SNIP1: variants seen among roughly 807,000 people sequenced by gnomAD.
The protein encoded by SNIP1 is smad nuclear-interacting protein 1.
A neutral mutation model predicts 37.4 loss-of-function variants in SNIP1; 23 were observed. That is an observed-to-expected ratio of 0.61 (90% CI 0.44 to 0.87). The LOEUF is 0.87. Among genes scored for constraint, SNIP1 ranks in the 40% least tolerant of loss-of-function variants. SNIP1 has a pLI of 0.00. For missense variants in SNIP1, 459 were observed against 540.4 expected, an observed-to-expected ratio of 0.85 and a Z score of 1.49; for synonymous variants, 174 against 200.0, an observed-to-expected ratio of 0.87 and a Z score of 1.10.
At chr1:37,545,243 C>T in intron 2 of SNIP1, 1 of 655,514 alleles carries the variant, frequency 1.5e-6, no homozygotes, top group Non-Finnish European at 2.9e-6. Context: ...CCGAATCTGG[C>T]TTGGCAGAAT....
Position 37,537,787 on chromosome 1 carries a change from G to T in SNIP1, c.1152C>A (p.Asp384Glu). 1 of 1,614,048 alleles carries T rather than the reference G, an allele frequency of 6.2e-7. No homozygotes were observed. Among genetic ancestry groups the T allele is most frequent in the Non-Finnish European group, 8.5e-7 (1 of 1,179,978 alleles). The change falls in exon 4 of 4, where the codon GAC (aspartate) becomes GAA (glutamate). Residue 384 changes from aspartate (D) to glutamate (E), a missense_variant. Physicochemically the swap from Asp to Glu is conservative, Grantham distance 45. Transcript: ENST00000296215. ...SDTSEIDRKDDEDEEEEEEVS... is the reference protein window; with the variant it reads ...SDTSEIDRKDEEDEEEEEEVS... ...CTTCTTCCTCCTCCTCCTCATCCTCGTCATCTTTCCTGTCTATTTCAGAAG... is the reference window on the plus strand; with the variant it reads ...CTTCTTCCTCCTCCTCCTCATCCTCTTCATCTTTCCTGTCTATTTCAGAAG...
intron 2 of SNIP1, chr1:37,545,402 A>G (rs1422528339): frequency 2.2e-6 from 1 of 446,886 alleles, no homozygotes; most frequent in East Asian, 5.6e-5. Flanking sequence ...AAGTTGTACC[A>G]AAACATCCAC....
chr1:37,540,886 C>T lies in SNIP1; in HGVS notation c.328-131G>A. On this transcript the variant is annotated intron_variant, in intron 2 of 3. Transcript: ENST00000296215. This position sits in a 1 kb window ranked among gnomAD's most constrained non-coding sequence, Gnocchi z 5.6. ...GACTTTGGCATTTAGAACAACATTT[C>T]CCACAGAAATAAGATTATGTCTGGT... The T allele has an allele frequency of 2.5e-6, 2 of 805,248 alleles. No homozygotes were observed. Among genetic ancestry groups the T allele is most frequent in the Non-Finnish European group, 3.9e-6 (2 of 519,376 alleles). 49.9% of individuals were successfully genotyped at this position (805,248 alleles called of 1,614,324 possible).
At chr1:37,544,572 T>G (rs1643209020) in intron 2 of SNIP1, among the ~76,000 whole-genome samples, 1 of 152,200 alleles carries the variant, frequency 6.6e-6, no homozygotes, top group South Asian at 2.1e-4. Flanking sequence ...GAGACGTTCT[T>G]TGCGGAAAGT....
At position 37,540,605 on chromosome 1, in the gene SNIP1, C is replaced by T. The variant is rs1643162212; in HGVS notation, c.478G>A (p.Gly160Arg). The change falls in exon 3 of 4, where the codon GGG (glycine) becomes AGG (arginine). Residue 160 changes from glycine (G) to arginine (R), a missense_variant. Transcript: ENST00000296215. The surrounding 1 kb of genome is among the most constrained non-coding windows in gnomAD (Gnocchi z 5.6). Reference sequence around the variant, plus strand: ...TCTCGATCCCGTCCCTGACCCTGCCCACTCCCAGGCCTCTCGTTAGACGTT... The same window carrying T: ...TCTCGATCCCGTCCCTGACCCTGCCTACTCCCAGGCCTCTCGTTAGACGTT... ...RRTSNERPGSGQGQGRDRDTQ... is the reference protein window; with the variant it reads ...RRTSNERPGSRQGQGRDRDTQ... 1 of 1,614,124 alleles carries T rather than the reference C, an allele frequency of 6.2e-7. No homozygotes were observed. The highest frequency in any genetic ancestry group is 8.5e-7 in the Non-Finnish European group (1 of 1,180,024).
intron 2 of SNIP1, among the ~76,000 whole-genome samples, chr1:37,548,229 T>C (rs566488955): frequency 3.6e-3 from 545 of 151,868 alleles, no homozygotes; most frequent in Non-Finnish European, 6.3e-3. Flanking sequence ...TATCCTTCTG[T>C]ATACTTTAAA....
chr1:37,549,457 T>C (rs867777608), intron 2 of SNIP1, among the ~76,000 whole-genome samples: 35 of 152,092 alleles, frequency 2.3e-4, no homozygotes, highest in African/African-American at 8.2e-4. Flanking sequence ...CAGGCTGGAG[T>C]GCAGTGGTAT....
intron 2 of SNIP1, among the ~76,000 whole-genome samples, chr1:37,544,005 G>C (rs1046347212): frequency 6.6e-6 from 1 of 151,950 alleles, no homozygotes; most frequent in African/African-American, 2.4e-5. Flanking sequence ...AATTAGCCAG[G>C]TGTGGTAGCG....
rs200160575 is a variant in SNIP1 at position 37,554,056 on chromosome 1, G to T, written c.174C>A (p.Ser58Arg). 1.0e-3 allele frequency: 1,672 copies of T among 1,592,658 alleles called. 2 individuals are homozygous for T. Among genetic ancestry groups the T allele is most frequent in the Non-Finnish European group, 1.3e-3 (1,548 of 1,170,800 alleles). The change falls in exon 1 of 4, where the codon AGC becomes AGA. Residue 58 changes from serine (S) to arginine (R), a missense_variant. By Grantham distance (110) the Ser-to-Arg change is moderately radical. Coordinates refer to ENST00000296215, the MANE Select transcript of SNIP1 (RefSeq NM_024700.4). ...HSGGSPSPPTSEPARSGHRGN... is the reference protein window; with the variant it reads ...HSGGSPSPPTREPARSGHRGN... ...CGCGGTGGCCCGAGCGGGCCGGCTCGCTGGTCGGCGGAGACGGGCTACCAC... is the reference window on the plus strand; with the variant it reads ...CGCGGTGGCCCGAGCGGGCCGGCTCTCTGGTCGGCGGAGACGGGCTACCAC...
At chr1:37,553,403 C>T (rs913170422) in intron 1 of SNIP1, among the ~76,000 whole-genome samples, 2 of 152,138 alleles carry the variant, frequency 1.3e-5, no homozygotes, top group Non-Finnish European at 2.9e-5. Context: ...CTAACTGAAA[C>T]TATTTTGTTT....
At chr1:37,538,508 C>CAAAA (rs35905865) in intron 3 of SNIP1, among the ~76,000 whole-genome samples, 5 of 57,912 alleles carry the variant, frequency 8.6e-5, no homozygotes, top group Non-Finnish European at 1.3e-4. Flanking sequence ...GACTCTGTCT[C>CAAAA]AAAAAAAAAA....
In SNIP1 at chr1:37,540,766, A is replaced by G; in HGVS notation, c.328-11T>C. On this transcript the variant is annotated splice_polypyrimidine_tract_variant and intron_variant, in intron 2 of 3. Transcript: ENST00000296215. This position sits in a 1 kb window ranked among gnomAD's most constrained non-coding sequence, Gnocchi z 5.6. ...ATGATCCTCACGCTCCTAAAATTCA[A>G]ACAGATTCTGTAATTTAAACGCAGT... 9 of 1,570,576 alleles carry G rather than the reference A, an allele frequency of 5.7e-6. No homozygotes were observed. Among genetic ancestry groups the G allele is most frequent in the Non-Finnish European group, 7.8e-6 (9 of 1,157,236 alleles).
Position 37,540,919 on chromosome 1 carries a change from T to C in SNIP1, c.328-164A>G. Reference sequence around the variant, plus strand: ...AATAAGATTATGTCTGGTGGTTATGTTCCCTCGCAAGGCCACAAAGATGAT... The same window carrying C: ...AATAAGATTATGTCTGGTGGTTATGCTCCCTCGCAAGGCCACAAAGATGAT... On this transcript the variant is annotated intron_variant, in intron 2 of 3. Transcript: ENST00000296215. The surrounding 1 kb of genome is among the most constrained non-coding windows in gnomAD (Gnocchi z 5.6). 1 of 642,752 alleles carries C rather than the reference T, an allele frequency of 1.6e-6. No homozygotes were observed. The highest frequency in any genetic ancestry group is 2.6e-6 in the Non-Finnish European group (1 of 385,934). The allele number at this position is 642,752 out of a possible 1,614,324, so 39.8% of individuals were successfully genotyped here.
Position 37,536,827 on chromosome 1 carries a change from G to C in SNIP1, c.*921C>G, listed in dbSNP as rs146537656. 1.3e-5 allele frequency: 2 copies of C among 152,202 alleles called. No individual in the cohort carries two copies. Among genetic ancestry groups the C allele is most frequent in the Admixed American group, 6.6e-5 (1 of 15,266 alleles). 9.4% of individuals were successfully genotyped at this position (152,202 alleles called of 1,614,324 possible). A position where few individuals can be genotyped will look rare whatever the true frequency, so the allele number is the denominator to read the frequency against. On this transcript the variant is annotated 3_prime_UTR_variant, in exon 4 of 4. Coordinates refer to ENST00000296215, the MANE Select transcript of SNIP1 (RefSeq NM_024700.4). Reference sequence around the variant, plus strand: ...TCAACAACTTTTTAAAGGATGAAATGTGTAGAAACATGTAAACAACACAAC... The same window carrying C: ...TCAACAACTTTTTAAAGGATGAAATCTGTAGAAACATGTAAACAACACAAC...
In SNIP1 at chr1:37,536,569, C is replaced by CA. The variant is rs1009567687; in HGVS notation, c.*1178dup. The CA allele has an allele frequency of 2.0e-5, 3 of 152,380 alleles. No individual in the cohort carries two copies. Among genetic ancestry groups the CA allele is most frequent in the African/African-American group, 7.2e-5 (3 of 41,420 alleles). The allele number at this position is 152,380 out of a possible 1,614,324, so 9.4% of individuals were successfully genotyped here. ...ATTTACAAATTTTATTTTTTTATCC[C>CA]AAAAATACATATAAATGAAAACCTG... On this transcript the variant is annotated 3_prime_UTR_variant, in exon 4 of 4. Coordinates refer to ENST00000296215, the MANE Select transcript of SNIP1 (RefSeq NM_024700.4).
Position 37,537,804 on chromosome 1 carries a change from T to C in SNIP1, c.1135A>G (p.Ile379Val), listed in dbSNP as rs866874156. 1 of 1,614,256 alleles carries C rather than the reference T, an allele frequency of 6.2e-7. No homozygotes were observed. The highest frequency in any genetic ancestry group is 1.3e-5 in the African/African-American group (1 of 75,078). ...TCATCCTCGTCATCTTTCCTGTCTA[T>C]TTCAGAAGTGTCCGACGACTCATGG... ...LLHESSDTSE[I>V]DRKDDEDEEE... The change falls in exon 4 of 4, where the codon ATA becomes GTA. Residue 379 changes from isoleucine (I) to valine (V), a missense_variant. Coordinates refer to ENST00000296215, the MANE Select transcript of SNIP1 (RefSeq NM_024700.4).
chr1:37,554,273 C>G lies in SNIP1; in HGVS notation c.-44G>C. 4 of 1,532,274 alleles carry G rather than the reference C, an allele frequency of 2.6e-6. No individual in the cohort carries two copies. The highest frequency in any genetic ancestry group is 3.5e-6 in the Non-Finnish European group (4 of 1,135,798). The allele number at this position is 1,532,274 out of a possible 1,614,324, so 94.9% of individuals were successfully genotyped here. A position where few individuals can be genotyped will look rare whatever the true frequency, so the allele number is the denominator to read the frequency against. On this transcript the variant is annotated 5_prime_UTR_variant, in exon 1 of 4. Transcript: ENST00000296215. ...CGAAAGAAAACAGATCAGTTGAGCT[C>G]CTCTAGCTGGAGGAAATGACGAGTT...
At chr1:37,552,580 C>A in intron 2 of SNIP1, 65 bp downstream of exon 2, 2 of 1,308,146 alleles carry the variant, frequency 1.5e-6, no homozygotes, top group Non-Finnish European at 2.2e-6. Context: ...CACACACATT[C>A]CTCTTTAGCT....
At chr1:37,553,939 G>T in intron 1 of SNIP1, 67 bp downstream of exon 1, 1 of 1,500,732 alleles carries the variant, frequency 6.7e-7, no homozygotes, top group Non-Finnish European at 9.0e-7. Flanking sequence ...TGTTTCGGAC[G>T]CTAGCCCTGC....
Sources: allele counts gnomAD v4.1 joint callset (sites outside exome capture counted in the v4.1 genomes callset), GRCh38; gene constraint gnomAD v4.1.1; non-coding constraint Gnocchi (gnomAD v3.1); transcripts MANE v1.5; gene names NCBI Gene and HGNC (gene_info 2026-07-23, HGNC 2026-07-21).